The following SEPTIN10 variants were observed in gnomAD, a reference collection of about 807,000 sequenced individuals.
The protein encoded by SEPTIN10 is septin 10.
Under a neutral mutation model 54.8 loss-of-function variants are expected in SEPTIN10, and 66 were observed. That is an observed-to-expected ratio of 1.21 (90% confidence interval 0.99 to 1.48). SEPTIN10 has a LOEUF of 1.48. Ranked by LOEUF, SEPTIN10 falls within the 40% of genes most tolerant of loss-of-function variation. The probability of loss-of-function intolerance (pLI) is 0.00; values close to 1 mark genes in which losing one functional copy is unlikely to be tolerated. For missense variants in SEPTIN10, 620 were observed against 545.6 expected (o/e 1.14, Z -1.36); for synonymous variants, 161 against 181.0 (o/e 0.89, Z 0.89).
At chr2:109,547,147 T>C (rs1469298219) in intron 9 of SEPTIN10, among the ~76,000 whole-genome samples, 1 of 152,208 alleles carries the variant, frequency 6.6e-6, no homozygotes, top group African/African-American at 2.4e-5. Flanking sequence ...AGCTCTACAT[T>C]AACTAGCTTT....
chr2:109,584,008 C>A (rs6594037), intron 4 of SEPTIN10, among the ~76,000 whole-genome samples: 2 of 151,846 alleles, frequency 1.3e-5, no homozygotes, highest in African/African-American at 2.4e-5. Context: ...GGAAGATACC[C>A]GGTAAAGGCT....
chr2:109,568,055 GT>G (rs1412076096), intron 5 of SEPTIN10, 79 bp from the exon 6 acceptor site: 1 of 1,119,638 alleles, frequency 8.9e-7, no homozygotes, highest in Admixed American at 2.6e-5. Context: ...ACTCAAAACT[GT>G]TCATTCTGAC....
intron 1 of SEPTIN10, among the ~76,000 whole-genome samples, chr2:109,597,512 A>G (rs746378570): frequency 6.6e-6 from 1 of 152,316 alleles, no homozygotes; most frequent in Admixed American, 6.5e-5. Flanking sequence ...ACAATAGGTG[A>G]CCACAATCTC....
intron 2 of SEPTIN10, among the ~76,000 whole-genome samples, chr2:109,590,742 T>C (rs979752354): frequency 5.3e-5 from 8 of 152,268 alleles, no homozygotes; most frequent in South Asian, 2.1e-4. Context: ...AGGTAAATCC[T>C]TAACAGGGCC....
intron 8 of SEPTIN10, among the ~76,000 whole-genome samples, chr2:109,555,817 C>A (rs1335073780): frequency 2.0e-5 from 3 of 152,204 alleles, no homozygotes; most frequent in African/African-American, 7.2e-5. Context: ...AGGACGCTCT[C>A]TTCTTCTTCC....
In SEPTIN10 at chr2:109,543,360, C is replaced by T. The variant is rs577301864; in HGVS notation, c.*949G>A. The T allele has an allele frequency of 3.3e-5, 5 of 152,238 alleles. No individual in the cohort carries two copies. The highest frequency in any genetic ancestry group is 1.9e-4 in the East Asian group (1 of 5,194). The allele number at this position is 152,238 out of a possible 1,614,324, so 9.4% of individuals were successfully genotyped here. A position where few individuals can be genotyped will look rare whatever the true frequency, so the allele number is the denominator to read the frequency against. Reference sequence around the variant, plus strand: ...CCTTAGGAAAAAATAGCTTATATATCTGGATGTTTTAACTTTTAAAGATAT... The same window carrying T: ...CCTTAGGAAAAAATAGCTTATATATTTGGATGTTTTAACTTTTAAAGATAT... On this transcript the variant is annotated 3_prime_UTR_variant, in exon 11 of 11. Transcript: ENST00000397712.
chr2:109,577,663 A>T, intron 4 of SEPTIN10, among the ~76,000 whole-genome samples: 1 of 151,982 alleles, frequency 6.6e-6, no homozygotes, highest in East Asian at 1.9e-4. Flanking sequence ...CTGCAATCCC[A>T]GCACTTTGGG....
chr2:109,607,460 G>A (rs75362749), intron 1 of SEPTIN10, among the ~76,000 whole-genome samples: 95 of 152,266 alleles, frequency 6.2e-4, no homozygotes, highest in South Asian at 1.2e-3. Flanking sequence ...CCTAAAGAGA[G>A]CAGAAATCGG....
At chr2:109,599,124 C>T (rs1695981278) in intron 1 of SEPTIN10, among the ~76,000 whole-genome samples, 1 of 151,992 alleles carries the variant, frequency 6.6e-6, no homozygotes, top group African/African-American at 2.4e-5. Context: ...GCAGACCACA[C>T]TGCTAGAAGT....
chr2:109,564,880 C>T (rs576151785), intron 7 of SEPTIN10, among the ~76,000 whole-genome samples: 2 of 152,332 alleles, frequency 1.3e-5, no homozygotes, highest in East Asian at 3.9e-4. Context: ...ATCCTGAAGA[C>T]ATTTCACATA....
chr2:109,580,913 A>C (rs977039612), intron 4 of SEPTIN10, among the ~76,000 whole-genome samples: 1 of 152,212 alleles, frequency 6.6e-6, no homozygotes, highest in Non-Finnish European at 1.5e-5. Context: ...CCCAGACAGG[A>C]GTTCAAGGAG....
intron 9 of SEPTIN10, chr2:109,552,759 G>T: frequency 2.3e-5 from 5 of 214,662 alleles, no homozygotes; most frequent in Non-Finnish European, 4.6e-5. Context: ...CCTAAAAATT[G>T]TATACCGTGG....
At chr2:109,594,667 C>T (rs1022035047) in intron 1 of SEPTIN10, 1 of 152,222 alleles carries the variant, frequency 6.6e-6, no homozygotes, top group Non-Finnish European at 1.5e-5. Context: ...AAAGAGAGAA[C>T]CTGGGTGCTC....
At chr2:109,589,084 G>A (rs938751137) in intron 2 of SEPTIN10, among the ~76,000 whole-genome samples, 2 of 152,080 alleles carry the variant, frequency 1.3e-5, no homozygotes, top group African/African-American at 2.4e-5. Context: ...GCGCCACCAC[G>A]CCTGGGTAAT....
intron 8 of SEPTIN10, 92 bp from the exon 9 acceptor site, chr2:109,553,311 G>A (rs911302503): frequency 2.4e-5 from 31 of 1,296,576 alleles, no homozygotes; most frequent in Middle Eastern, 2.5e-4. Context: ...TTGGGAGGCC[G>A]AGGCAGGTGG....
chr2:109,572,685 C>G (rs1211617562), intron 5 of SEPTIN10, among the ~76,000 whole-genome samples: 1 of 144,036 alleles, frequency 6.9e-6, no homozygotes, highest in Non-Finnish European at 1.5e-5. Context: ...GGTGCAATCT[C>G]GGATTACCAC....
chr2:109,604,510 G>T (rs369259191), intron 1 of SEPTIN10, among the ~76,000 whole-genome samples: 1 of 151,896 alleles, frequency 6.6e-6, no homozygotes, highest in Non-Finnish European at 1.5e-5. Flanking sequence ...GTGGGATCAC[G>T]AGGTCAGGAG....
Position 109,574,675 on chromosome 2 carries a change from T to C in SEPTIN10, c.506A>G (p.Asp169Gly). 6 of 1,610,378 alleles carry C rather than the reference T, an allele frequency of 3.7e-6. No homozygotes were observed. The highest frequency in any genetic ancestry group is 5.1e-6 in the Non-Finnish European group (6 of 1,178,368). ...GTAGAGACACACATGGATGCGAGAA[T>C]CATGGTAGGTAAAGAGAGAACGCTT... ...KIKRSLFTYH[D>G]SRIHVCLYFI... Residue 169 changes from aspartate to glycine, a missense_variant, in exon 5 of 11, where the codon GAT becomes GGT. By Grantham distance (94) the Asp-to-Gly change is moderately conservative. Transcript: ENST00000397712.
chr2:109,567,017 T>G (rs907516373), intron 6 of SEPTIN10, among the ~76,000 whole-genome samples: 1 of 145,990 alleles, frequency 6.8e-6, no homozygotes, highest in Non-Finnish European at 1.5e-5. Flanking sequence ...CATTAGTCAG[T>G]TTTTTTTTAC....
Sources: gnomAD v4.1 joint callset for allele counts (sites outside exome capture counted in the v4.1 genomes callset) on GRCh38, gnomAD v4.1.1 for gene constraint, MANE v1.5 for transcripts, NCBI Gene and HGNC (gene_info 2026-07-23, HGNC 2026-07-21) for gene names.